Variants in SYNPO observed in about 807,000 individuals in gnomAD.
SYNPO encodes the protein synaptopodin.
In SYNPO, 19 loss-of-function variants were observed where a neutral mutation model predicts 49.5. That is an observed-to-expected ratio of 0.38 (90% confidence interval 0.27 to 0.56). The LOEUF (loss-of-function observed/expected upper bound fraction) is 0.56, where lower values mean the gene tolerates loss of function less well. Among genes scored for constraint, SYNPO ranks in the 20% least tolerant of loss-of-function variants. The pLI, the probability that SYNPO is intolerant of heterozygous loss-of-function variation, is 0.68. For synonymous variants in SYNPO, 536 were observed against 548.0 expected (o/e 0.98, Z 0.31); for missense variants, 1,131 against 1,248.3 (o/e 0.91, Z 1.42).
chr5:150,615,844 C>T (rs935676701), intron 1 of SYNPO, among the ~76,000 whole-genome samples: 1 of 152,188 alleles, frequency 6.6e-6, no homozygotes. Flanking sequence ...AGCTGTGTGC[C>T]TTAGGCAAGA....
the SYNPO span, among the ~76,000 whole-genome samples, chr5:150,589,052 A>G: frequency 7.1e-6 from 1 of 140,614 alleles, no homozygotes; most frequent in East Asian, 2.1e-4. Flanking sequence ...GTTCCAGTGT[A>G]TGCTTTATAG....
chr5:150,621,597 A>G (rs533018089), intron 2 of SYNPO, among the ~76,000 whole-genome samples: 2 of 152,300 alleles, frequency 1.3e-5, no homozygotes, highest in South Asian at 4.2e-4. Context: ...GATTATGAGC[A>G]TCTTCAAACA....
chr5:150,619,540 G>A (rs1016486462), intron 2 of SYNPO, among the ~76,000 whole-genome samples: 12 of 152,186 alleles, frequency 7.9e-5, no homozygotes, highest in African/African-American at 2.9e-4. Flanking sequence ...CTGCAGAGCA[G>A]GGCGGGACAG....
At chr5:150,594,424 A>G in the SYNPO span, among the ~76,000 whole-genome samples, 1 of 152,108 alleles carries the variant, frequency 6.6e-6, no homozygotes, top group African/African-American at 2.4e-5. Context: ...CAAGCTGGGC[A>G]GGATCCCTAA....
chr5:150,653,654 G>A (rs1392659081), intron 2 of SYNPO: 1 of 152,192 alleles, frequency 6.6e-6, no homozygotes, highest in African/African-American at 2.4e-5. Flanking sequence ...CCCTGGAGCT[G>A]GGACCTTCCT....
At chr5:150,602,997 GGTGTGTGTGT>G (rs3062133) in intron 1 of SYNPO, among the ~76,000 whole-genome samples, 201 of 131,250 alleles carry the variant, frequency 1.5e-3, no homozygotes, top group African/African-American at 5.4e-3. Flanking sequence ...GCCACCTTAG[GGTGTGTGTGT>G]GTGTGTGTGT....
At chr5:150,606,636 C>A (rs1756700847) in intron 1 of SYNPO, among the ~76,000 whole-genome samples, 1 of 152,214 alleles carries the variant, frequency 6.6e-6, no homozygotes. Flanking sequence ...TGTGGAGCAG[C>A]AACATGATTT....
rs76004302 is a variant in SYNPO at position 150,650,184 on chromosome 5, G to A, written c.1909G>A (p.Val637Met). 2,664 of 1,613,980 alleles carry A rather than the reference G, an allele frequency of 1.7e-3. 38 individuals are homozygous for A. In the African/African-American group the frequency reaches 0.031, roughly 19 times the overall value. Residue 637 changes from valine to methionine, a missense_variant, in exon 2 of 3, where the codon GTG becomes ATG. Physicochemically the swap from Val to Met is conservative, Grantham distance 21 (BLOSUM62 1). Around this residue, in one of 4 missense-constraint regions of SYNPO, gnomAD observed 509 missense variants for 484.5 expected, o/e 1.05. Coordinates refer to ENST00000307662, the MANE Select transcript of SYNPO (RefSeq NM_007286.6). ...CCAGGACAGCCTGCAGCCCACTGCCGTGAGCCCTCCTTACGGCGGTGACAT... is the reference window on the plus strand; with the variant it reads ...CCAGGACAGCCTGCAGCCCACTGCCATGAGCCCTCCTTACGGCGGTGACAT... Reference protein sequence around the residue: ...PGQDSLQPTAVSPPYGGDISP... With the variant: ...PGQDSLQPTAMSPPYGGDISP...
At chr5:150,594,846 G>A in the SYNPO span, among the ~76,000 whole-genome samples, 2 of 152,144 alleles carry the variant, frequency 1.3e-5, no homozygotes, top group Non-Finnish European at 2.9e-5. Context: ...GGTCGAGCAG[G>A]ACTCTTGCCG....
chr5:150,601,592 C>T (rs1756543568), intron 1 of SYNPO, among the ~76,000 whole-genome samples: 1 of 152,164 alleles, frequency 6.6e-6, no homozygotes, highest in African/African-American at 2.4e-5. Context: ...AGCGTGTGTG[C>T]ACACGCGAGA....
intron 2 of SYNPO, 64 bp from the exon 3 acceptor site, chr5:150,656,340 C>A: frequency 7.4e-7 from 1 of 1,355,216 alleles, no homozygotes; most frequent in Non-Finnish European, 1.0e-6. Context: ...CCGTCCCTTC[C>A]TAAAGCCCGG....
intron 2 of SYNPO, among the ~76,000 whole-genome samples, chr5:150,619,304 G>T (rs1454213429): frequency 6.6e-6 from 1 of 152,138 alleles, no homozygotes; most frequent in Non-Finnish European, 1.5e-5. Context: ...CTCAGAGTGA[G>T]GAAAAAGACA....
rs746338083 is a variant in SYNPO, at chr5:150,649,839, C to T, written c.1564C>T (p.Pro522Ser). ...GTCCCTGCCTTCCTCCTGGAAATAC[C>T]CCACTAACGCCCCCGGGGCCTTCCG... ...TMSLPSSWKY[P>S]TNAPGAFRVA... The change falls in exon 2 of 3, where the codon CCC becomes TCC. Residue 522 changes from proline to serine, a missense_variant. This residue lies in a region of SYNPO where 602 missense variants were observed against 720.7 expected (regional missense o/e 0.84). Transcript: ENST00000307662. 2 of 1,609,018 alleles carry T rather than the reference C, an allele frequency of 1.2e-6. No individual in the cohort carries two copies. The highest frequency in any genetic ancestry group is 3.3e-5 in the Admixed American group (2 of 60,032).
chr5:150,610,031 G>A (rs1365216569), intron 1 of SYNPO, among the ~76,000 whole-genome samples: 1 of 152,244 alleles, frequency 6.6e-6, no homozygotes, highest in Non-Finnish European at 1.5e-5. Flanking sequence ...TCTGAAGCTG[G>A]TTCCCTGGCC....
chr5:150,610,843 A>T (rs1170054788), intron 1 of SYNPO, among the ~76,000 whole-genome samples: 1 of 152,226 alleles, frequency 6.6e-6, no homozygotes, highest in Non-Finnish European at 1.5e-5. Context: ...GATTACAAAA[A>T]ATACTCATTT....
intron 1 of SYNPO, among the ~76,000 whole-genome samples, chr5:150,645,603 CCGA>C (rs1758061400): frequency 6.6e-6 from 1 of 152,140 alleles, no homozygotes; most frequent in Non-Finnish European, 1.5e-5. Flanking sequence ...AGACTGAACC[CCGA>C]CCCATGATGA....
At chr5:150,620,806 G>A (rs905230971) in intron 2 of SYNPO, among the ~76,000 whole-genome samples, 2 of 152,106 alleles carry the variant, frequency 1.3e-5, no homozygotes, top group Non-Finnish European at 2.9e-5. Context: ...CCCTACCCAA[G>A]GTCACACAGC....
intron 2 of SYNPO, among the ~76,000 whole-genome samples, chr5:150,634,024 T>C (rs780473766): frequency 1.3e-5 from 2 of 152,160 alleles, no homozygotes; most frequent in Non-Finnish European, 1.5e-5. Context: ...TTTATTAACA[T>C]TATGGAGTCT....
chr5:150,619,444 G>C (rs1297253078), intron 2 of SYNPO, among the ~76,000 whole-genome samples: 2 of 152,216 alleles, frequency 1.3e-5, no homozygotes, highest in Admixed American at 6.5e-5. Context: ...GAGATCCCAT[G>C]ACAGCGTGTG....
Sources: gnomAD v4.1 joint callset for allele counts (sites outside exome capture counted in the v4.1 genomes callset) on GRCh38, gnomAD v4.1.1 for gene constraint, gnomAD v4.1.1 regional missense constraint, MANE v1.5 for transcripts, NCBI Gene and HGNC (gene_info 2026-07-23, HGNC 2026-07-21) for gene names.